NUP133: variants seen among roughly 807,000 people sequenced by gnomAD.
NUP133 encodes nucleoporin 133.
NUP133 carries 66 observed loss-of-function variants against 146.2 expected under a neutral mutation model. The ratio of observed to expected loss-of-function variants is 0.45; its 90% confidence interval spans 0.37 to 0.55. The LOEUF is 0.55. Among genes scored for constraint, NUP133 ranks in the 20% least tolerant of loss-of-function variants. The pLI is 0.00. For missense variants in NUP133, 1,277 were observed against 1,374.8 expected, an observed-to-expected ratio of 0.93 and a Z score of 1.12; for synonymous variants, 521 against 498.8, an observed-to-expected ratio of 1.04 and a Z score of -0.59.
chr1:229,469,820 G>A (rs1391641534), intron 15 of NUP133, among the ~76,000 whole-genome samples: 1 of 152,258 alleles, frequency 6.6e-6, no homozygotes, highest in Admixed American at 6.5e-5. Context: ...GCAGAGTCAA[G>A]AGTAGATCTG....
At chr1:229,488,582 C>T (rs1661420007) in intron 9 of NUP133, among the ~76,000 whole-genome samples, 1 of 151,064 alleles carries the variant, frequency 6.6e-6, no homozygotes, top group Non-Finnish European at 1.5e-5. Context: ...ATAATCAGAA[C>T]ACATGATAAA....
At chr1:229,494,719 T>C (rs549258084) in intron 8 of NUP133, among the ~76,000 whole-genome samples, 25 of 152,278 alleles carry the variant, frequency 1.6e-4, no homozygotes, top group Non-Finnish European at 3.5e-4. Flanking sequence ...ATGATTAAGT[T>C]CTAATTTGTA....
At chr1:229,476,344 CAT>C (rs1661074804) in intron 13 of NUP133, among the ~76,000 whole-genome samples, 1 of 152,172 alleles carries the variant, frequency 6.6e-6, no homozygotes, top group Non-Finnish European at 1.5e-5. Context: ...GATGAGCTCT[CAT>C]GTTTTCTTCC....
chr1:229,461,795 C>T (rs1383227489), intron 19 of NUP133, among the ~76,000 whole-genome samples: 1 of 151,454 alleles, frequency 6.6e-6, no homozygotes, highest in Non-Finnish European at 1.5e-5. Flanking sequence ...GAAAGAAAAT[C>T]CATAAAAATA....
At chr1:229,482,232 C>A (rs1388712366) in intron 12 of NUP133, among the ~76,000 whole-genome samples, 2 of 152,064 alleles carry the variant, frequency 1.3e-5, no homozygotes, top group Non-Finnish European at 2.9e-5. Context: ...ACTGTAAAAG[C>A]ACTTTGGAAT....
chr1:229,470,936 G>C (rs1220493414), intron 14 of NUP133, 132 bp from the exon 15 acceptor site: 1 of 704,052 alleles, frequency 1.4e-6, no homozygotes. Flanking sequence ...CCCTCCAGCT[G>C]TCTCTTGTTT....
intron 9 of NUP133, among the ~76,000 whole-genome samples, chr1:229,489,510 CAAT>C (rs1661455950): frequency 6.6e-6 from 1 of 152,166 alleles, no homozygotes; most frequent in Admixed American, 6.5e-5. Flanking sequence ...GAAAATGCAA[CAAT>C]GTCTAGAAAC....
chr1:229,460,805 G>C (rs766764132), intron 19 of NUP133, 36 bp from the exon 20 acceptor site: 2 of 1,546,708 alleles, frequency 1.3e-6, no homozygotes, highest in Non-Finnish European at 1.8e-6. Flanking sequence ...ATTCATAATA[G>C]TTTAAAAAAA....
chr1:229,495,679 T>A (rs944352521), intron 7 of NUP133, 114 bp from the exon 8 acceptor site: 1 of 895,990 alleles, frequency 1.1e-6, no homozygotes. Flanking sequence ...TGCTGAATAA[T>A]GTATACATTA....
Position 229,499,705 on chromosome 1 carries a change from G to A in NUP133, c.627C>T (p.Tyr209=). The part of the protein sequence containing the change: ...AFVDSGGDKT[Y]SFLTAVQGGS... ...ATACCTGCACTGCTGTTAGGAAACT[G>A]TAAGTCTTATCACCTCCCGAATCTA... Residue 209 remains tyrosine, a synonymous_variant, in exon 5 of 26, where the codon TAC becomes TAT. Transcript: ENST00000261396. The A allele has an allele frequency of 1.2e-6, 2 of 1,613,886 alleles. No individual in the cohort carries two copies. The highest frequency in any genetic ancestry group is 2.2e-5 in the East Asian group (1 of 44,884).
chr1:229,473,453 C>T (rs374360717), intron 14 of NUP133, among the ~76,000 whole-genome samples: 5 of 152,254 alleles, frequency 3.3e-5, no homozygotes, highest in African/African-American at 4.8e-5. Flanking sequence ...CGTGGAACTT[C>T]GTGAGGGTTC....
chr1:229,490,452 T>C (rs1661481597), intron 8 of NUP133, among the ~76,000 whole-genome samples: 1 of 150,430 alleles, frequency 6.6e-6, no homozygotes, highest in Admixed American at 6.6e-5. Context: ...TTATGCTAAG[T>C]GACAGAAACC....
At chr1:229,460,816 C>A (rs370456239) in intron 19 of NUP133, 47 bp from the exon 20 acceptor site, 28 of 1,511,806 alleles carry the variant, frequency 1.9e-5, no homozygotes, top group Non-Finnish European at 2.5e-5. Flanking sequence ...TTTAAAAAAA[C>A]ACATTTCTGA....
chr1:229,440,574 TGA>T lies in NUP133; in HGVS notation c.*1328_*1329del, dbSNP rs1487031024. On this transcript the variant is annotated 3_prime_UTR_variant, in exon 26 of 26. Transcript: ENST00000261396. ...TTATCACCCGACAGGGTCCTACAGG[TGA>T]GACGTGAACACTGACAGCTGACCTC... 6.6e-6 allele frequency: 1 copy of T among 152,214 alleles called. No individual in the cohort carries two copies. The highest frequency in any genetic ancestry group is 6.5e-5 in the Admixed American group (1 of 15,276). 9.4% of individuals were successfully genotyped at this position (152,214 alleles called of 1,614,324 possible).
In NUP133 at chr1:229,477,772, T is replaced by A; in HGVS notation, c.1593-12A>T. On this transcript the variant is annotated splice_polypyrimidine_tract_variant and intron_variant, in intron 12 of 25. Transcript: ENST00000261396. The stretch of plus-strand genomic sequence containing the variant: ...GACCTAAATCTTTTCTGAAATAAAA[T>A]TGGAAAACACAAGTATTAAGGGAGG... 1 of 1,596,768 alleles carries A rather than the reference T, an allele frequency of 6.3e-7. No homozygotes were observed. The highest frequency in any genetic ancestry group is 8.6e-7 in the Non-Finnish European group (1 of 1,169,492).
At chr1:229,490,232 A>G in intron 8 of NUP133, 130 bp from the exon 9 acceptor site, 1 of 764,158 alleles carries the variant, frequency 1.3e-6, no homozygotes, top group Non-Finnish European at 1.9e-6. Flanking sequence ...AGAAAATTTA[A>G]AAACAGAAAC....
At position 229,463,712 on chromosome 1, in the gene NUP133, T is replaced by G. The variant is rs142591569; in HGVS notation, c.2552-36A>C. 663 of 1,556,602 alleles carry G rather than the reference T, an allele frequency of 4.3e-4. 9 individuals carry two copies. In the East Asian group the frequency reaches 0.013, roughly 30 times the overall value. Reference sequence around the variant, plus strand: ...GAGAAAAGATGGGAAAAAATCCTGTTAGCAAAACTTAAAATCTGTAATAAA... The same window carrying G: ...GAGAAAAGATGGGAAAAAATCCTGTGAGCAAAACTTAAAATCTGTAATAAA... On this transcript the variant is annotated intron_variant, in intron 18 of 25. Transcript: ENST00000261396.
rs746958290 is a variant in NUP133 at position 229,470,662 on chromosome 1, T to C, written c.1994A>G (p.Asn665Ser). Residue 665 changes from asparagine (N) to serine (S), a missense_variant, in exon 15 of 26, where the codon AAC becomes AGC. Coordinates refer to ENST00000261396, the MANE Select transcript of NUP133 (RefSeq NM_018230.3). ...NHHSRLSDLV[N>S]TAILIALNKR... ...GTTCAAAGCAATCAATATGGCTGTG[T>C]TGACAAGGTCAGAAAGCCGGGAGTG... is the stretch of plus-strand genomic sequence containing the variant. 1.2e-6 allele frequency: 2 copies of C among 1,614,068 alleles called. No homozygotes were observed. The highest frequency in any genetic ancestry group is 8.5e-7 in the Non-Finnish European group (1 of 1,180,042).
rs778843039 is a variant in NUP133, at chr1:229,477,688, A to G, written c.1665T>C (p.Ser555=). The change falls in exon 13 of 26, where the codon TCT becomes TCC. Residue 555 remains serine (S), a synonymous_variant. Transcript: ENST00000261396. ...TTTGGGTAACTGCCCTGTCTAGTTC[A>G]GAATCAGAATCCAAATCAGAGTGAG... ...FSSHSDLDSD[S]ELDRAVTQIS... The G allele has an allele frequency of 3.7e-6, 6 of 1,614,054 alleles. No individual in the cohort carries two copies. Among genetic ancestry groups the G allele is most frequent in the Non-Finnish European group, 2.5e-6 (3 of 1,179,940 alleles).
Sources: allele counts gnomAD v4.1 joint callset (sites outside exome capture counted in the v4.1 genomes callset), GRCh38; gene constraint gnomAD v4.1.1; transcripts MANE v1.5; gene names NCBI Gene and HGNC (gene_info 2026-07-23, HGNC 2026-07-21).